Variants in COL24A1 observed in about 807,000 individuals in gnomAD.
COL24A1 encodes the protein collagen type XXIV alpha 1 chain, also known as collagen alpha-1(XXIV) chain.
COL24A1 carries 224 observed loss-of-function variants against 253.9 expected under a neutral mutation model. The ratio of observed to expected loss-of-function variants is 0.88; its 90% CI spans 0.79 to 0.99. The LOEUF is 0.99. Among genes scored for constraint, COL24A1 ranks in the 50% least tolerant of loss-of-function variants. The pLI is 0.00. For synonymous variants in COL24A1, 685 were observed against 673.7 expected, an observed-to-expected ratio of 1.02 and a Z score of -0.26; for missense variants, 2,131 against 2,068.5, an observed-to-expected ratio of 1.03 and a Z score of -0.59.
intron 19 of COL24A1, among the ~76,000 whole-genome samples, chr1:86,009,358 T>C (rs1696288725): frequency 6.7e-6 from 1 of 150,206 alleles, no homozygotes; most frequent in South Asian, 2.1e-4. Context: ...GTATTTGTTC[T>C]GAGAAACATT....
intron 45 of COL24A1, among the ~76,000 whole-genome samples, chr1:85,819,606 T>C (rs1431558105): frequency 6.6e-6 from 1 of 152,156 alleles, no homozygotes; most frequent in Non-Finnish European, 1.5e-5. Context: ...AAGTCTATCT[T>C]TGAGTTAAAA....
At position 85,847,784 on chromosome 1, in the gene COL24A1, A is replaced by G; in HGVS notation, c.3355-12T>C. ...TGTCCTTTATCACCCTGTGGATGAC[A>G]TTATTAAGAGAGAAAAGCAAGAAAA... On this transcript the variant is annotated splice_polypyrimidine_tract_variant and intron_variant, in intron 38 of 59. Coordinates refer to ENST00000370571, the MANE Select transcript of COL24A1 (RefSeq NM_152890.7). 6.3e-7 allele frequency: 1 copy of G among 1,583,932 alleles called. No individual in the cohort carries two copies. The highest frequency in any genetic ancestry group is 1.1e-5 in the South Asian group (1 of 89,850).
chr1:86,117,171 T>C (rs546455047), intron 3 of COL24A1, among the ~76,000 whole-genome samples: 2 of 152,230 alleles, frequency 1.3e-5, no homozygotes, highest in South Asian at 2.1e-4. Context: ...TCCATTCACA[T>C]TGGAAAGGCA....
chr1:86,010,444 C>T (rs1387918438), intron 19 of COL24A1, among the ~76,000 whole-genome samples: 2 of 151,902 alleles, frequency 1.3e-5, no homozygotes, highest in African/African-American at 4.8e-5. Flanking sequence ...ATAAAACAGT[C>T]CTCAAACAAA....
At chr1:86,098,157 C>A (rs1178731671) in intron 5 of COL24A1, among the ~76,000 whole-genome samples, 1 of 152,156 alleles carries the variant, frequency 6.6e-6, no homozygotes, top group African/African-American at 2.4e-5. Context: ...TGAGGATACT[C>A]CCTAGTCTGC....
intron 7 of COL24A1, among the ~76,000 whole-genome samples, chr1:86,064,446 T>G (rs1390486713): frequency 6.6e-6 from 1 of 152,026 alleles, no homozygotes; most frequent in African/African-American, 2.4e-5. Context: ...TGAAGGAAAC[T>G]AAAAGAAAGG....
intron 36 of COL24A1, 68 bp downstream of exon 36, chr1:85,868,714 T>C (rs562656367): frequency 1.3e-5 from 18 of 1,421,370 alleles, no homozygotes; most frequent in South Asian, 3.8e-5. Context: ...ACAAAAACAA[T>C]GATGTCTAAT....
At chr1:86,100,862 C>T (rs1194427632) in intron 5 of COL24A1, among the ~76,000 whole-genome samples, 1 of 152,120 alleles carries the variant, frequency 6.6e-6, no homozygotes, top group Non-Finnish European at 1.5e-5. Context: ...CACTCCCCAT[C>T]CCCAATTCTT....
intron 52 of COL24A1, among the ~76,000 whole-genome samples, chr1:85,776,554 A>G (rs1429092528): frequency 2.0e-5 from 3 of 152,168 alleles, no homozygotes; most frequent in Admixed American, 2.0e-4. Flanking sequence ...TAAATATAAT[A>G]TGAATGCTCT....
intron 47 of COL24A1, among the ~76,000 whole-genome samples, chr1:85,815,627 CATT>C (rs1672982478): frequency 6.6e-6 from 1 of 151,698 alleles, no homozygotes; most frequent in African/African-American, 2.4e-5. Flanking sequence ...TGAGATAACT[CATT>C]GTAGTGAAAA....
At position 86,069,345 on chromosome 1, in the gene COL24A1, G is replaced by C. The variant is rs1343466200; in HGVS notation, c.1708-5586C>G. Among the ~76,000 whole-genome samples, 3 of 152,182 alleles carry C rather than the reference G, an allele frequency of 2.0e-5. No individual in the cohort carries two copies. The East Asian group carries it at 5.8e-4, about 29-fold the overall frequency. On this transcript the variant is annotated intron_variant, in intron 7 of 59. Transcript: ENST00000370571. The stretch of plus-strand genomic sequence containing the variant: ...CAGAAACCCCCATGGACTAGTGGTG[G>C]TGGCCACAGGGAAGGACTCATCTGC...
At chr1:86,110,148 A>G (rs987460432) in intron 5 of COL24A1, among the ~76,000 whole-genome samples, 2 of 151,816 alleles carry the variant, frequency 1.3e-5, no homozygotes, top group Admixed American at 1.3e-4. Context: ...ATTTTATTTT[A>G]TATATTTTAA....
intron 10 of COL24A1, among the ~76,000 whole-genome samples, chr1:86,053,041 G>C (rs566563612): frequency 7.0e-4 from 106 of 152,096 alleles, no homozygotes; most frequent in Non-Finnish European, 1.2e-3. Flanking sequence ...AAACATCTAT[G>C]ATTTTCTTAC....
At chr1:85,888,034 G>A (rs1011587747) in intron 32 of COL24A1, among the ~76,000 whole-genome samples, 20 of 143,790 alleles carry the variant, frequency 1.4e-4, no homozygotes, top group Admixed American at 4.8e-4. Flanking sequence ...CTACTTTTCC[G>A]TGTTTTTTTT....
intron 2 of COL24A1, among the ~76,000 whole-genome samples, chr1:86,129,245 T>C (rs1648786106): frequency 6.6e-6 from 1 of 151,780 alleles, no homozygotes; most frequent in Non-Finnish European, 1.5e-5. Flanking sequence ...CACATAATAA[T>C]CCCTTACAAT....
intron 10 of COL24A1, among the ~76,000 whole-genome samples, chr1:86,051,836 G>A (rs77495895): frequency 0.058 from 8,825 of 152,082 alleles, 541 homozygotes; most frequent in African/African-American, 0.15. Context: ...AAAACAAATA[G>A]AAAACCTGAG....
At chr1:85,829,352 A>T (rs1674862218) in intron 43 of COL24A1, among the ~76,000 whole-genome samples, 1 of 151,344 alleles carries the variant, frequency 6.6e-6, no homozygotes, top group Non-Finnish European at 1.5e-5. Context: ...GGCTGCCCTT[A>T]ACATTTTTTC....
Position 86,041,923 on chromosome 1 carries a change from T to C in COL24A1, c.1950+4902A>G, listed in dbSNP as rs114973556. Among the ~76,000 whole-genome samples, 1,028 of 152,226 alleles carry C rather than the reference T, an allele frequency of 6.8e-3. 17 individuals carry two copies. Among genetic ancestry groups the C allele is most frequent in the African/African-American group, 0.024 (984 of 41,558 alleles). ...GATAGAGAGCAAAAGGATGAATCAA[T>C]AATAGCCTCTTGAGCTTCTCTATCT... On this transcript the variant is annotated intron_variant, in intron 12 of 59. Transcript: ENST00000370571.
At chr1:86,152,585 T>C (rs1218006031) in intron 1 of COL24A1, among the ~76,000 whole-genome samples, 3 of 152,210 alleles carry the variant, frequency 2.0e-5, no homozygotes, top group Non-Finnish European at 4.4e-5. Flanking sequence ...GTACTCAACC[T>C]GTAGAGCTTT....
Sources: allele counts gnomAD v4.1 joint callset (sites outside exome capture counted in the v4.1 genomes callset), GRCh38; gene constraint gnomAD v4.1.1; transcripts MANE v1.5; gene names NCBI Gene and HGNC (gene_info 2026-07-23, HGNC 2026-07-21).